OR51B5: variants seen among roughly 807,000 people sequenced by gnomAD.
OR51B5 encodes olfactory receptor 51B5.
For missense variants in OR51B5, 456 were observed against 374.6 expected (o/e 1.22, Z -1.79); for synonymous variants, 186 against 144.8 (o/e 1.28, Z -2.04).
At chr11:5,394,404 CAT>C (rs760108785) in intron 1 of OR51B5, among the ~76,000 whole-genome samples, 1 of 152,118 alleles carries the variant, frequency 6.6e-6, no homozygotes, top group Non-Finnish European at 1.5e-5. Flanking sequence ...CCAAAAAAAA[CAT>C]AAAATCAGCC....
intron 1 of OR51B5, among the ~76,000 whole-genome samples, chr11:5,474,247 A>G (rs192454503): frequency 6.6e-6 from 1 of 152,178 alleles, no homozygotes; most frequent in African/African-American, 2.4e-5. Context: ...ACAACTTGCC[A>G]TATCATAAAA....
intron 1 of OR51B5, chr11:5,403,027 G>T (rs561672376): frequency 2.1e-6 from 1 of 471,578 alleles, no homozygotes; most frequent in Non-Finnish European, 4.4e-6. Flanking sequence ...ACTGCCCAGG[G>T]TCTTTGGCAC....
chr11:5,474,738 A>T (rs1390582962), intron 1 of OR51B5, among the ~76,000 whole-genome samples: 1 of 152,232 alleles, frequency 6.6e-6, no homozygotes, highest in African/African-American at 2.4e-5. Context: ...TGGTTAGTGT[A>T]AACTCATCTT....
At chr11:5,368,448 T>C (rs1238879416) in intron 1 of OR51B5, among the ~76,000 whole-genome samples, 1 of 141,486 alleles carries the variant, frequency 7.1e-6, no homozygotes, top group East Asian at 1.9e-4. Flanking sequence ...ATTGTAAGTA[T>C]TATAGAAATC....
chr11:5,444,284 A>C (rs964412410), intron 1 of OR51B5, among the ~76,000 whole-genome samples: 1 of 152,156 alleles, frequency 6.6e-6, no homozygotes, highest in African/African-American at 2.4e-5. Context: ...AGCTGTACAC[A>C]CAAAAGTCAG....
intron 1 of OR51B5, chr11:5,422,051 A>G (rs1850347739): frequency 6.3e-6 from 4 of 637,402 alleles, no homozygotes; most frequent in African/African-American, 1.8e-5. Context: ...ATATATCACA[A>G]TGTTCTTAAA....
intron 1 of OR51B5, among the ~76,000 whole-genome samples, chr11:5,484,361 A>G (rs1049719438): frequency 2.6e-5 from 4 of 152,200 alleles, no homozygotes; most frequent in African/African-American, 9.7e-5. Flanking sequence ...TCTGGTCCAC[A>G]CATCCTTAGA....
At chr11:5,412,573 G>A (rs75465870) in intron 1 of OR51B5, among the ~76,000 whole-genome samples, 21,904 of 152,134 alleles carry the variant, frequency 0.14, 1,886 homozygotes, top group Non-Finnish European at 0.19. Flanking sequence ...CTGGAAAATC[G>A]GGTCACTGCC....
exon 1 of OR51B5, chr11:5,343,523 A>G: frequency 1.1e-6 from 1 of 871,014 alleles, no homozygotes; most frequent in Non-Finnish European, 1.9e-6. Flanking sequence ...GCTGGACGAC[A>G]TCCTGGGTTT....
At chr11:5,406,988 T>C (rs1283791843) in intron 1 of OR51B5, among the ~76,000 whole-genome samples, 1 of 152,100 alleles carries the variant, frequency 6.6e-6, no homozygotes, top group Admixed American at 6.5e-5. Flanking sequence ...ATAACACAAC[T>C]AGCCCAAAAC....
chr11:5,398,535 A>G (rs1849917485), intron 1 of OR51B5, among the ~76,000 whole-genome samples: 1 of 152,294 alleles, frequency 6.6e-6, no homozygotes, highest in Non-Finnish European at 1.5e-5. Flanking sequence ...CTCAGAGGCC[A>G]GTTTCACTTG....
chr11:5,364,722 A>G (rs192017103), intron 1 of OR51B5, among the ~76,000 whole-genome samples: 107 of 152,292 alleles, frequency 7.0e-4, no homozygotes, highest in Non-Finnish European at 1.4e-3. Context: ...AGCATATGAC[A>G]GAAGACTCTT....
At chr11:5,390,829 C>T (rs2340321) in intron 1 of OR51B5, 123,409 of 156,510 alleles carry the variant, frequency 0.79, 49,046 homozygotes, top group Middle Eastern at 0.84. Flanking sequence ...CAAGTTTCTT[C>T]TCATCTTTTT....
exon 1 of OR51B5, chr11:5,343,264 G>A (rs752333713): frequency 3.7e-6 from 6 of 1,613,464 alleles, no homozygotes; most frequent in Non-Finnish European, 3.4e-6. Context: ...CAATCTCCCT[G>A]TGATCCAGCC....
chr11:5,384,615 G>A (rs1276290644), intron 1 of OR51B5, among the ~76,000 whole-genome samples: 1 of 152,130 alleles, frequency 6.6e-6, no homozygotes, highest in Non-Finnish European at 1.5e-5. Context: ...GAAGCCCTCT[G>A]GTCTCTATAC....
At chr11:5,360,163 G>C (rs1202572479) in intron 1 of OR51B5, among the ~76,000 whole-genome samples, 1 of 145,596 alleles carries the variant, frequency 6.9e-6, no homozygotes, top group Non-Finnish European at 1.5e-5. Context: ...TTAAACTAAA[G>C]AGCTTCTGCA....
At chr11:5,422,922 A>G (rs1487584537) in intron 1 of OR51B5, 7 of 1,614,098 alleles carry the variant, frequency 4.3e-6, no homozygotes, top group Admixed American at 1.7e-5. Context: ...CGTGCCCTCA[A>G]TAACTGCCTG....
At chr11:5,351,747 A>G (rs1849092025) in intron 1 of OR51B5, 1 of 1,613,710 alleles carries the variant, frequency 6.2e-7, no homozygotes, top group Non-Finnish European at 8.5e-7. Context: ...CCACAGTGCT[A>G]GGTGTTCTGT....
chr11:5,356,511 G>C (rs556603706), intron 1 of OR51B5, among the ~76,000 whole-genome samples: 1 of 146,800 alleles, frequency 6.8e-6, no homozygotes, highest in African/African-American at 2.6e-5. Context: ...TGGTGTACCT[G>C]AAAGTGACGG....
Sources: allele counts gnomAD v4.1 joint callset (sites outside exome capture counted in the v4.1 genomes callset), GRCh38; gene constraint gnomAD v4.1.1; transcripts MANE v1.5; gene names NCBI Gene and HGNC (gene_info 2026-07-23, HGNC 2026-07-21).